Variants in CELF4 observed in about 807,000 individuals in gnomAD.
CELF4 encodes CUG-BP- and ETR-3-like factor 4.
In CELF4, 18 loss-of-function variants were observed where a neutral mutation model predicts 59.9. The observed-to-expected ratio is 0.30, with a 90% CI of 0.21 to 0.45. CELF4 has a LOEUF of 0.45. CELF4 is among the 20% of genes least tolerant of loss of function. The probability of loss-of-function intolerance (pLI) is 1.00; values close to 1 mark genes in which losing one functional copy is unlikely to be tolerated. For missense variants in CELF4, 456 were observed against 689.0 expected, an observed-to-expected ratio of 0.66 and a Z score of 3.79; for synonymous variants, 261 against 267.1, an observed-to-expected ratio of 0.98 and a Z score of 0.22.
intron 2 of CELF4, among the ~76,000 whole-genome samples, chr18:37,362,246 C>T (rs890588489): frequency 1.3e-5 from 2 of 152,042 alleles, no homozygotes; most frequent in African/African-American, 2.4e-5. Flanking sequence ...GCTCCAGCTC[C>T]AGCTCTAGCT....
At chr18:37,322,006 A>C in intron 2 of CELF4, 125 bp from the exon 3 acceptor site, 1 of 640,322 alleles carries the variant, frequency 1.6e-6, no homozygotes, top group Admixed American at 2.9e-5. Context: ...CGCTCCCACA[A>C]CATGCTGCTG....
chr18:37,398,214 C>T (rs957250538), intron 2 of CELF4, among the ~76,000 whole-genome samples: 1 of 152,160 alleles, frequency 6.6e-6, no homozygotes, highest in African/African-American at 2.4e-5. Context: ...CAATAATAGT[C>T]CAGGCCAAAT....
At chr18:37,402,117 C>T (rs2099332553) in intron 2 of CELF4, among the ~76,000 whole-genome samples, 1 of 152,228 alleles carries the variant, frequency 6.6e-6, no homozygotes, top group Non-Finnish European at 1.5e-5. Context: ...CTCTGGGCTT[C>T]CTTCCTTTTT....
chr18:37,476,763 G>A (rs574715066), intron 2 of CELF4, among the ~76,000 whole-genome samples: 2 of 152,120 alleles, frequency 1.3e-5, no homozygotes, highest in African/African-American at 2.4e-5. Flanking sequence ...GTTTTCTGGC[G>A]AAAGGTCAAC....
chr18:37,518,863 T>C (rs1414754282), intron 1 of CELF4, among the ~76,000 whole-genome samples: 1 of 152,238 alleles, frequency 6.6e-6, no homozygotes, highest in African/African-American at 2.4e-5. Context: ...GACATTAACA[T>C]GCATTGATTC....
chr18:37,383,230 G>A (rs531733689), intron 2 of CELF4, among the ~76,000 whole-genome samples: 11 of 152,268 alleles, frequency 7.2e-5, no homozygotes, highest in Admixed American at 2.0e-4. Context: ...GAAAGGCTGA[G>A]GCCTGGCAGA....
intron 1 of CELF4, among the ~76,000 whole-genome samples, chr18:37,541,412 A>G (rs1471116265): frequency 6.6e-6 from 1 of 151,960 alleles, no homozygotes; most frequent in African/African-American, 2.4e-5. Flanking sequence ...TCCCAAACAC[A>G]TCCTGACCCC....
intron 2 of CELF4, among the ~76,000 whole-genome samples, chr18:37,449,932 T>G (rs1228706022): frequency 2.0e-5 from 3 of 152,204 alleles, no homozygotes; most frequent in African/African-American, 7.2e-5. Context: ...CAGGACGCCA[T>G]GAGCCCAGGA....
At chr18:37,411,791 G>C (rs1315869296) in intron 2 of CELF4, among the ~76,000 whole-genome samples, 1 of 152,192 alleles carries the variant, frequency 6.6e-6, no homozygotes, top group Non-Finnish European at 1.5e-5. Context: ...GCATGGGGAA[G>C]TGGTGCAGCT....
intron 2 of CELF4, among the ~76,000 whole-genome samples, chr18:37,475,444 G>A (rs572432374): frequency 6.6e-6 from 1 of 152,270 alleles, no homozygotes; most frequent in South Asian, 2.1e-4. Flanking sequence ...TTTTAGCCAG[G>A]GCTTAGACTT....
chr18:37,408,505 G>GTT (rs2099407900), intron 2 of CELF4, among the ~76,000 whole-genome samples: 3 of 15,352 alleles, frequency 2.0e-4, no homozygotes, highest in Non-Finnish European at 6.3e-4. Flanking sequence ...GGGGGGGCGC[G>GTT]GTGCAGGAGG....
chr18:37,557,592 C>G (rs546409668), intron 1 of CELF4, among the ~76,000 whole-genome samples: 67 of 152,306 alleles, frequency 4.4e-4, no homozygotes, highest in African/African-American at 1.5e-3. Context: ...CCACTCTTAA[C>G]AAAGGTGATA....
chr18:37,375,857 C>G (rs1179699919), intron 2 of CELF4, among the ~76,000 whole-genome samples: 1 of 152,136 alleles, frequency 6.6e-6, no homozygotes, highest in Non-Finnish European at 1.5e-5. Flanking sequence ...CTCCCCGGTC[C>G]CAGACCCTGG....
At chr18:37,303,702 T>A (rs1170503098) in intron 3 of CELF4, among the ~76,000 whole-genome samples, 11 of 152,180 alleles carry the variant, frequency 7.2e-5, no homozygotes, top group Non-Finnish European at 1.6e-4. Context: ...AATTTGGCCC[T>A]GGCATGGAAG....
intron 2 of CELF4, among the ~76,000 whole-genome samples, chr18:37,414,191 CATCT>C (rs59869024): frequency 0.18 from 26,324 of 147,934 alleles, 2,337 homozygotes; most frequent in South Asian, 0.2. Context: ...TCCATTCATT[CATCT>C]ATCTATCTAT....
intron 2 of CELF4, among the ~76,000 whole-genome samples, chr18:37,373,566 C>T (rs2098929345): frequency 6.6e-6 from 1 of 152,166 alleles, no homozygotes; most frequent in African/African-American, 2.4e-5. Context: ...TGATCTTCAC[C>T]CCAGTCATGT....
At chr18:37,265,422 C>A (rs189753465) in intron 9 of CELF4, among the ~76,000 whole-genome samples, 30 of 152,290 alleles carry the variant, frequency 2.0e-4, no homozygotes, top group Admixed American at 8.5e-4. Flanking sequence ...CCCCACACCA[C>A]CTGGAATCCA....
At chr18:37,493,218 A>G (rs2099912193) in intron 1 of CELF4, among the ~76,000 whole-genome samples, 1 of 151,992 alleles carries the variant, frequency 6.6e-6, no homozygotes, top group Admixed American at 6.6e-5. Context: ...GCCTTCCCCC[A>G]TGCCTCACCC....
chr18:37,551,728 C>T (rs1294088669), intron 1 of CELF4, among the ~76,000 whole-genome samples: 2 of 152,160 alleles, frequency 1.3e-5, no homozygotes, highest in African/African-American at 2.4e-5. Context: ...TTTCTCAGCC[C>T]AAGTGGGCTG....
Sources: gnomAD v4.1 joint callset for allele counts (sites outside exome capture counted in the v4.1 genomes callset) on GRCh38, gnomAD v4.1.1 for gene constraint, MANE v1.5 for transcripts, NCBI Gene and HGNC (gene_info 2026-07-23, HGNC 2026-07-21) for gene names.